Variants in SERGEF observed in about 807,000 individuals in gnomAD.
The protein encoded by SERGEF is secretion regulating guanine nucleotide exchange factor, also known as secretion-regulating guanine nucleotide exchange factor.
Under a neutral mutation model 50.0 loss-of-function variants are expected in SERGEF, and 51 were observed. The observed-to-expected ratio is 1.02, with a 90% CI of 0.81 to 1.29. The LOEUF is 1.29. Ranked by LOEUF, SERGEF falls within the 50% of genes most tolerant of loss-of-function variation. The probability of loss-of-function intolerance (pLI) is 0.00; values close to 1 mark genes in which losing one functional copy is unlikely to be tolerated. For missense variants in SERGEF, 521 were observed against 557.0 expected, an observed-to-expected ratio of 0.94 and a Z score of 0.65; for synonymous variants, 205 against 212.4, an observed-to-expected ratio of 0.97 and a Z score of 0.30.
At chr11:17,909,821 GGAA>G (rs200339424) in intron 9 of SERGEF, among the ~76,000 whole-genome samples, 8,513 of 152,168 alleles carry the variant, frequency 0.056, 805 homozygotes, top group African/African-American at 0.19. Context: ...GCTCCTGGGG[GGAA>G]AGTTTCTGAT....
rs1051650506 is a variant in SERGEF, at chr11:17,988,747, C to T, written c.694G>A (p.Glu232Lys). 1 of 1,613,680 alleles carries T rather than the reference C, an allele frequency of 6.2e-7. No homozygotes were observed. The highest frequency in any genetic ancestry group is 8.5e-7 in the Non-Finnish European group (1 of 1,179,850). Residue 232 changes from glutamate (E) to lysine (K), a missense_variant, in exon 8 of 11, where the codon GAG (glutamate) becomes AAG (lysine). Glu to Lys is a moderately conservative substitution (Grantham distance 56, BLOSUM62 1). Transcript: ENST00000265965. Reference protein sequence around the residue: ...DHSASLTDAGEVYVWGSNKHG... With the variant: ...DHSASLTDAGKVYVWGSNKHG... The stretch of plus-strand genomic sequence containing the variant: ...TTGTTGCTTCCCCAAACATACACCT[C>T]TCCTGCATCTTAAACAAACAGAAGG...
intron 9 of SERGEF, among the ~76,000 whole-genome samples, chr11:17,945,153 C>T (rs2133959169): frequency 6.6e-6 from 1 of 152,366 alleles, no homozygotes; most frequent in Admixed American, 6.5e-5. Flanking sequence ...CTGTGCCTAA[C>T]TTTCCTTATC....
chr11:17,992,642 T>C (rs1853740077), intron 7 of SERGEF, among the ~76,000 whole-genome samples: 2 of 152,228 alleles, frequency 1.3e-5, no homozygotes, highest in African/African-American at 4.8e-5. Flanking sequence ...ATTATCCTTA[T>C]TGTATAGTTA....
chr11:17,838,935 T>C (rs1350043912), intron 10 of SERGEF, among the ~76,000 whole-genome samples: 1 of 152,176 alleles, frequency 6.6e-6, no homozygotes, highest in Non-Finnish European at 1.5e-5. Context: ...TGCCAATAAT[T>C]AGTTGGGTGA....
intron 10 of SERGEF, among the ~76,000 whole-genome samples, chr11:17,793,574 C>T (rs183274459): frequency 1.3e-5 from 2 of 152,346 alleles, no homozygotes; most frequent in Admixed American, 1.3e-4. Flanking sequence ...CAGAAAGCCT[C>T]TCCCTAAGCG....
chr11:17,832,464 T>C (rs1850326239), intron 10 of SERGEF, among the ~76,000 whole-genome samples: 1 of 152,242 alleles, frequency 6.6e-6, no homozygotes. Context: ...TATGTGTTTA[T>C]TAGCAGTGTG....
intron 10 of SERGEF, among the ~76,000 whole-genome samples, chr11:17,860,883 C>T (rs1342011154): frequency 2.6e-5 from 4 of 152,208 alleles, no homozygotes; most frequent in East Asian, 1.9e-4. Flanking sequence ...GAGTTGAGTC[C>T]GGCACTTGGC....
intron 9 of SERGEF, among the ~76,000 whole-genome samples, chr11:17,890,987 A>C (rs1198657910): frequency 3.3e-5 from 5 of 152,184 alleles, no homozygotes; most frequent in Non-Finnish European, 7.3e-5. Context: ...CTAAAACAGA[A>C]ATCTTCCTAT....
chr11:17,842,828 A>T (rs1372430833), intron 10 of SERGEF, among the ~76,000 whole-genome samples: 1 of 152,214 alleles, frequency 6.6e-6, no homozygotes, highest in African/African-American at 2.4e-5. Context: ...GGACTGAAAC[A>T]GCTGGACTTG....
At chr11:17,964,972 G>A (rs140844605) in intron 8 of SERGEF, among the ~76,000 whole-genome samples, 13 of 152,332 alleles carry the variant, frequency 8.5e-5, no homozygotes, top group African/African-American at 2.9e-4. Flanking sequence ...CAAGGAGAGA[G>A]CTCAGAGCAC....
At chr11:17,807,098 G>A (rs1849773045) in intron 10 of SERGEF, among the ~76,000 whole-genome samples, 1 of 152,164 alleles carries the variant, frequency 6.6e-6, no homozygotes, top group Admixed American at 6.5e-5. Context: ...CTGGTCCTTG[G>A]TGAATGGCTC....
chr11:17,791,264 T>C (rs1052762336), intron 10 of SERGEF, among the ~76,000 whole-genome samples: 2 of 152,222 alleles, frequency 1.3e-5, no homozygotes, highest in Admixed American at 1.3e-4. Context: ...CTCTAATTAT[T>C]TTCTCAAATT....
At chr11:17,823,048 C>T (rs1281131916) in intron 10 of SERGEF, among the ~76,000 whole-genome samples, 2 of 152,208 alleles carry the variant, frequency 1.3e-5, no homozygotes, top group Admixed American at 6.5e-5. Context: ...TGTCCTTTCT[C>T]TGCTCCAGGA....
intron 9 of SERGEF, among the ~76,000 whole-genome samples, chr11:17,894,243 C>A (rs973157560): frequency 6.6e-6 from 1 of 152,174 alleles, no homozygotes. Context: ...TGTGCTCTCA[C>A]TTCAGTGTAC....
At chr11:17,878,585 A>C (rs1851283863) in intron 9 of SERGEF, among the ~76,000 whole-genome samples, 1 of 152,354 alleles carries the variant, frequency 6.6e-6, no homozygotes, top group East Asian at 1.9e-4. Context: ...TGGAAAGATA[A>C]GGCAATAAAG....
intron 10 of SERGEF, among the ~76,000 whole-genome samples, chr11:17,850,964 C>T (rs1181834520): frequency 6.6e-6 from 1 of 152,136 alleles, no homozygotes; most frequent in African/African-American, 2.4e-5. Context: ...GGTTGTAGTT[C>T]ACATTCTGCT....
At chr11:17,847,534 T>C (rs189783325) in intron 10 of SERGEF, among the ~76,000 whole-genome samples, 127 of 152,322 alleles carry the variant, frequency 8.3e-4, no homozygotes, top group Non-Finnish European at 1.6e-3. Flanking sequence ...TAAAGTATGA[T>C]TGTATAGATA....
chr11:18,012,497 C>G, intron 1 of SERGEF: 28 of 1,096,110 alleles, frequency 2.6e-5, no homozygotes, highest in Non-Finnish European at 3.1e-5. Flanking sequence ...CACCGCAGGC[C>G]TCACATCTAA....
chr11:17,819,750 T>C (rs185174083), intron 10 of SERGEF, among the ~76,000 whole-genome samples: 417 of 152,340 alleles, frequency 2.7e-3, no homozygotes, highest in African/African-American at 9.4e-3. Context: ...TTCCCAGTTG[T>C]AGGCAAGCAT....
Sources: allele counts gnomAD v4.1 joint callset (sites outside exome capture counted in the v4.1 genomes callset), GRCh38; gene constraint gnomAD v4.1.1; transcripts MANE v1.5; gene names NCBI Gene and HGNC (gene_info 2026-07-23, HGNC 2026-07-21).